The following DIP2C variants were observed in gnomAD, a reference collection of about 807,000 sequenced individuals.
DIP2C encodes the protein disco-interacting protein 2 homolog C.
In DIP2C, 33 loss-of-function variants were observed where a neutral mutation model predicts 192.4. The ratio of observed to expected loss-of-function variants is 0.17; its 90% CI spans 0.13 to 0.23. The LOEUF is 0.23. Among genes scored for constraint, DIP2C ranks in the 10% least tolerant of loss-of-function variants. The pLI, the probability that DIP2C is intolerant of heterozygous loss-of-function variation, is 1.00. For missense variants in DIP2C, 1,537 were observed against 2,110.1 expected (o/e 0.73, Z 5.32); for synonymous variants, 979 against 864.1 (o/e 1.13, Z -2.33).
rs1853181365 is a variant in DIP2C at position 612,750 on chromosome 10, A to G, written c.85+76744T>C. ...GCCCAATTTACACAAAAAGGTCCTA[A>G]TTTACACACATGTTCATTGCTTTGA... On this transcript the variant is annotated intron_variant, in intron 1 of 36. Transcript: ENST00000280886. 2.0e-5 allele frequency among the ~76,000 whole-genome samples: 3 copies of G among 152,192 alleles called. No individual in the cohort carries two copies. The South Asian group carries it at 6.2e-4, about 32-fold the overall frequency.
intron 18 of DIP2C, among the ~76,000 whole-genome samples, chr10:367,655 G>C (rs1008839819): frequency 1.3e-5 from 2 of 152,130 alleles, no homozygotes; most frequent in Non-Finnish European, 2.9e-5. Context: ...AGACACGAGG[G>C]GGTCACTCAC....
intron 1 of DIP2C, among the ~76,000 whole-genome samples, chr10:534,972 G>A (rs562058203): frequency 2.2e-4 from 33 of 152,254 alleles, no homozygotes; most frequent in African/African-American, 6.7e-4. Context: ...CACCGCGCCC[G>A]GCCTGGATGA....
At chr10:497,785 T>C (rs1489514652) in intron 1 of DIP2C, among the ~76,000 whole-genome samples, 2 of 152,248 alleles carry the variant, frequency 1.3e-5, no homozygotes, top group East Asian at 3.9e-4. Flanking sequence ...ACATTCATCA[T>C]ACATTTGGAG....
intron 26 of DIP2C, among the ~76,000 whole-genome samples, chr10:347,859 CGT>C: frequency 8.9e-6 from 1 of 112,736 alleles, no homozygotes; most frequent in Non-Finnish European, 2.0e-5. Context: ...CACCCAGACG[CGT>C]CGCGCATAGC....
intron 1 of DIP2C, among the ~76,000 whole-genome samples, chr10:593,485 ACCCC>A (rs10563749): frequency 6.2e-5 from 4 of 64,210 alleles, no homozygotes; most frequent in African/African-American, 1.3e-4. Flanking sequence ...CCCACGCGGG[ACCCC>A]CCCCCCCCCA....
intron 1 of DIP2C, among the ~76,000 whole-genome samples, chr10:609,397 AATCT>A (rs1456930943): frequency 2.0e-5 from 3 of 152,330 alleles, no homozygotes; most frequent in East Asian, 1.9e-4. Flanking sequence ...ATTCACTTAC[AATCT>A]ATCAAACAAT....
chr10:512,722 T>C (rs1405111140), intron 1 of DIP2C, among the ~76,000 whole-genome samples: 2 of 152,150 alleles, frequency 1.3e-5, no homozygotes, highest in African/African-American at 2.4e-5. Flanking sequence ...GAGACCAGCC[T>C]GGCCAATATG....
At chr10:378,529 A>G (rs1357919313) in intron 17 of DIP2C, among the ~76,000 whole-genome samples, 1 of 114,430 alleles carries the variant, frequency 8.7e-6, no homozygotes, top group African/African-American at 3.1e-5. Flanking sequence ...ACACATGCAC[A>G]AAGACACATG....
At chr10:524,425 T>C (rs1846925115) in intron 1 of DIP2C, among the ~76,000 whole-genome samples, 1 of 152,226 alleles carries the variant, frequency 6.6e-6, no homozygotes, top group East Asian at 1.9e-4. Flanking sequence ...ACTGGAAGTA[T>C]ACACATTATA....
intron 3 of DIP2C, among the ~76,000 whole-genome samples, chr10:448,413 C>A: frequency 6.9e-6 from 1 of 145,314 alleles, no homozygotes; most frequent in Non-Finnish European, 1.5e-5. Context: ...AGGACCCACT[C>A]ACCCCTGTCG....
chr10:529,893 C>T (rs1847268631), intron 1 of DIP2C, among the ~76,000 whole-genome samples: 1 of 152,184 alleles, frequency 6.6e-6, no homozygotes, highest in African/African-American at 2.4e-5. Context: ...ATCCTCCTGC[C>T]TCAGCCTCCC....
At chr10:476,004 C>T (rs989742473) in intron 2 of DIP2C, among the ~76,000 whole-genome samples, 1 of 152,238 alleles carries the variant, frequency 6.6e-6, no homozygotes, top group Non-Finnish European at 1.5e-5. Flanking sequence ...TGAGGGCTCA[C>T]GTTCACAGTC....
rs567961876 is a variant in DIP2C, at chr10:451,069, G to A, written c.269-10073C>T. On this transcript the variant is annotated intron_variant, in intron 3 of 36. Coordinates refer to ENST00000280886, the MANE Select transcript of DIP2C (RefSeq NM_014974.3). ...TCTCAAAGCCCATCTCTGCAGCACC[G>A]GGCTGTGCTCCCCAGCCCCTGCCTG... Among the ~76,000 whole-genome samples the A allele has an allele frequency of 1.7e-4, 26 of 152,224 alleles. No individual in the cohort carries two copies. In the South Asian group the frequency reaches 2.7e-3, roughly 16 times the overall value.
At chr10:481,685 G>A (rs1843622362) in intron 2 of DIP2C, among the ~76,000 whole-genome samples, 1 of 152,258 alleles carries the variant, frequency 6.6e-6, no homozygotes, top group Non-Finnish European at 1.5e-5. Flanking sequence ...CTGAGGCAGT[G>A]GAAGGTCTCC....
Position 390,377 on chromosome 10 carries a change from G to A in DIP2C, c.1385-4C>T, listed in dbSNP as rs374957162. 1.9e-5 allele frequency: 30 copies of A among 1,613,306 alleles called. No homozygotes were observed. In the South Asian group the frequency reaches 2.1e-4, roughly 11 times the overall value. ...AACCACAGCAGCTTTGGCCAACCTTGGAAATAAACAACAAGTTCCTTTTAA... is the reference window on the plus strand; with the variant it reads ...AACCACAGCAGCTTTGGCCAACCTTAGAAATAAACAACAAGTTCCTTTTAA... On this transcript the variant is annotated splice_region_variant and splice_polypyrimidine_tract_variant and intron_variant, in intron 11 of 36. Coordinates refer to ENST00000280886, the MANE Select transcript of DIP2C (RefSeq NM_014974.3).
intron 1 of DIP2C, among the ~76,000 whole-genome samples, chr10:500,065 T>G (rs2133640299): frequency 6.6e-6 from 1 of 152,266 alleles, no homozygotes; most frequent in South Asian, 2.1e-4. Flanking sequence ...GGAATAAAAC[T>G]AGGGCCCCCT....
intron 1 of DIP2C, among the ~76,000 whole-genome samples, chr10:616,957 C>T (rs536129224): frequency 2.4e-4 from 36 of 152,266 alleles, no homozygotes; most frequent in Non-Finnish European, 4.7e-4. Flanking sequence ...CCAACCACCC[C>T]CCATCCCCAC....
chr10:454,339 G>A (rs11593411), intron 3 of DIP2C, among the ~76,000 whole-genome samples: 1,949 of 152,194 alleles, frequency 0.013, 25 homozygotes, highest in Non-Finnish European at 0.021. Flanking sequence ...ATTTAACAGC[G>A]TTTCTTAAAG....
At chr10:349,518 C>A in intron 24 of DIP2C, 64 bp from the exon 25 acceptor site, 1 of 1,561,592 alleles carries the variant, frequency 6.4e-7, no homozygotes. Context: ...GCAGAGAGCG[C>A]GCACGCGTCA....
Sources: allele counts gnomAD v4.1 joint callset (sites outside exome capture counted in the v4.1 genomes callset), GRCh38; gene constraint gnomAD v4.1.1; transcripts MANE v1.5; gene names NCBI Gene and HGNC (gene_info 2026-07-23, HGNC 2026-07-21).